The following PAK2 variants were observed in gnomAD, a reference collection of about 807,000 sequenced individuals.
PAK2 encodes the protein serine/threonine-protein kinase PAK 2.
Under a neutral mutation model 65.9 loss-of-function variants are expected in PAK2, and 21 were observed. That is an observed-to-expected ratio of 0.32 (90% CI 0.23 to 0.46). The LOEUF (loss-of-function observed/expected upper bound fraction) is 0.46. Among genes scored for constraint, PAK2 ranks in the 20% least tolerant of loss-of-function variants. PAK2 has a pLI of 1.00. For synonymous variants in PAK2, 204 were observed against 219.7 expected, an observed-to-expected ratio of 0.93 and a Z score of 0.63; for missense variants, 324 against 642.6, an observed-to-expected ratio of 0.50 and a Z score of 5.36.
At chr3:196,769,837 A>G (rs73074623) in intron 1 of PAK2, among the ~76,000 whole-genome samples, 7,138 of 143,682 alleles carry the variant, frequency 0.05, 297 homozygotes, top group African/African-American at 0.098. Context: ...AAGAAAAAGA[A>G]AAAGAAATTC....
chr3:196,812,917 G>A lies in PAK2; in HGVS notation c.935+66G>A, dbSNP rs1715875346. 3 of 717,140 alleles carry A rather than the reference G, an allele frequency of 4.2e-6. No homozygotes were observed. In the South Asian group the frequency reaches 4.9e-5, roughly 12 times the overall value. The allele number at this position is 717,140 out of a possible 1,614,324, so 44.4% of individuals were successfully genotyped here. ...AAATTTTAAGTCTCATGGTTTCGGG[G>A]GTGGGGCTGGCCACTTTGGAATAAA... On this transcript the variant is annotated intron_variant, in intron 10 of 14. Coordinates refer to ENST00000327134, the MANE Select transcript of PAK2 (RefSeq NM_002577.4).
At chr3:196,744,995 A>T (rs1246407275) in intron 1 of PAK2, among the ~76,000 whole-genome samples, 1 of 152,058 alleles carries the variant, frequency 6.6e-6, no homozygotes. Context: ...GAGTTGTAGA[A>T]GCTCTTCACA....
chr3:196,806,503 G>C, intron 5 of PAK2, 76 bp from the exon 6 acceptor site: 1 of 871,312 alleles, frequency 1.1e-6, no homozygotes, highest in Non-Finnish European at 1.9e-6. Context: ...ACTTTTTGAA[G>C]TACGTTCATA....
chr3:196,823,884 A>C (rs1009555303), intron 13 of PAK2, among the ~76,000 whole-genome samples: 10 of 152,132 alleles, frequency 6.6e-5, no homozygotes, highest in African/African-American at 2.4e-4. Context: ...ACACATTACC[A>C]AAAAGGCAGC....
At position 196,782,774 on chromosome 3, in the gene PAK2, T is replaced by C; in HGVS notation, c.128T>C (p.Val43Ala). The C allele has an allele frequency of 1.2e-6, 2 of 1,613,836 alleles. No homozygotes were observed. Among genetic ancestry groups the C allele is most frequent in the Middle Eastern group, 3.3e-4 (2 of 6,060 alleles). Reference protein sequence around the residue: ...ANHSLKPLPSVPEEKKPRHKI... With the variant: ...ANHSLKPLPSAPEEKKPRHKI... ...CACAGTTTGAAACCTTTGCCCTCTG[T>C]TCCAGAAGAGAAAAAGCCCAGGCAT... Residue 43 changes from valine to alanine, a missense_variant, in exon 2 of 15, where the codon GTT becomes GCT. Transcript: ENST00000327134.
chr3:196,812,425 G>C (rs1715859684), intron 9 of PAK2, among the ~76,000 whole-genome samples, 158 bp downstream of exon 9: 1 of 152,170 alleles, frequency 6.6e-6, no homozygotes, highest in Non-Finnish European at 1.5e-5. Flanking sequence ...GTAAGGCGGG[G>C]AAGGACTTAT....
At chr3:196,816,158 G>A (rs1317651648) in intron 11 of PAK2, among the ~76,000 whole-genome samples, 1 of 152,082 alleles carries the variant, frequency 6.6e-6, no homozygotes, top group Non-Finnish European at 1.5e-5. Context: ...AGACTATATT[G>A]TGTTTTCTAT....
At chr3:196,749,775 T>C (rs1713507951) in intron 1 of PAK2, among the ~76,000 whole-genome samples, 2 of 152,188 alleles carry the variant, frequency 1.3e-5, no homozygotes, top group Non-Finnish European at 2.9e-5. Context: ...TGTCATGTTA[T>C]CATTGTTTTG....
intron 2 of PAK2, among the ~76,000 whole-genome samples, chr3:196,796,203 A>G (rs762165100): frequency 1.3e-5 from 2 of 152,138 alleles, no homozygotes; most frequent in Non-Finnish European, 2.9e-5. Context: ...CCCTTGTGGT[A>G]TGCGTTCTTT....
chr3:196,751,887 C>T (rs980243085), intron 1 of PAK2, among the ~76,000 whole-genome samples: 3 of 150,222 alleles, frequency 2.0e-5, no homozygotes, highest in Admixed American at 1.3e-4. Flanking sequence ...GGATTACAGG[C>T]GCATGCCACC....
At position 196,776,253 on chromosome 3, in the gene PAK2, G is replaced by A. The variant is rs186023976; in HGVS notation, c.-21-6373G>A. Among the ~76,000 whole-genome samples the A allele has an allele frequency of 4.6e-5, 7 of 152,260 alleles. No homozygotes were observed. In the East Asian group the frequency reaches 9.6e-4, roughly 21 times the overall value. ...GCTTGCAGTAAAGTGCCAGTTTCAC[G>A]TAATAATATACTTAATGGAACAATA... On this transcript the variant is annotated intron_variant, in intron 1 of 14. Transcript: ENST00000327134.
rs2108748094 is a variant in PAK2, at chr3:196,791,185, C to T, written c.187+8352C>T. Among the ~76,000 whole-genome samples, 1 of 152,256 alleles carries T rather than the reference C, an allele frequency of 6.6e-6. No homozygotes were observed. The highest frequency in any genetic ancestry group is 1.9e-4 in the East Asian group (1 of 5,180). ...AGACATTCTGTTGGTATAGCAATAT[C>T]TTTCCAGCACATTGTTCAATTCCAG... On this transcript the variant is annotated intron_variant, in intron 2 of 14. Transcript: ENST00000327134. This position sits in a 1 kb window ranked among gnomAD's most constrained non-coding sequence, Gnocchi z 4.0.
chr3:196,780,421 A>G (rs976020414), intron 1 of PAK2, among the ~76,000 whole-genome samples: 3 of 152,236 alleles, frequency 2.0e-5, no homozygotes, highest in Non-Finnish European at 4.4e-5. Context: ...TCTTACGTGG[A>G]TGGTGGCAGG....
intron 6 of PAK2, among the ~76,000 whole-genome samples, chr3:196,807,521 C>T (rs1228681787): frequency 6.6e-6 from 1 of 152,126 alleles, no homozygotes; most frequent in Non-Finnish European, 1.5e-5. Context: ...TAGACCTGGT[C>T]ACACTTAAAT....
chr3:196,762,154 A>G (rs7643786), intron 1 of PAK2, among the ~76,000 whole-genome samples: 1 of 105,450 alleles, frequency 9.5e-6, no homozygotes, highest in Non-Finnish European at 2.2e-5. Context: ...CCGGGCAGAG[A>G]CGCTCCTCAC....
At chr3:196,751,694 T>TATATATATATATATATATAA (rs1211217848) in intron 1 of PAK2, among the ~76,000 whole-genome samples, 3 of 45,874 alleles carry the variant, frequency 6.5e-5, no homozygotes, top group African/African-American at 3.5e-4. Flanking sequence ...TATATATATA[T>TATATATATATATATATATAA]AATTCAGGCT....
intron 2 of PAK2, among the ~76,000 whole-genome samples, chr3:196,783,152 G>A (rs1017434874): frequency 1.3e-5 from 2 of 152,084 alleles, no homozygotes; most frequent in Non-Finnish European, 2.9e-5. Context: ...GTGAGATAGG[G>A]CCCACAGTCC....
chr3:196,763,956 G>A (rs549017632), intron 1 of PAK2, among the ~76,000 whole-genome samples: 169 of 132,566 alleles, frequency 1.3e-3, no homozygotes, highest in Non-Finnish European at 2.0e-3. Flanking sequence ...CCACCACCAC[G>A]CCCGGCTATT....
At position 196,791,071 on chromosome 3, in the gene PAK2, C is replaced by T. The variant is rs954683433; in HGVS notation, c.187+8238C>T. Among the ~76,000 whole-genome samples, 1 of 152,144 alleles carries T rather than the reference C, an allele frequency of 6.6e-6. No individual in the cohort carries two copies. Among genetic ancestry groups the T allele is most frequent in the African/African-American group, 2.4e-5 (1 of 41,442 alleles). On this transcript the variant is annotated intron_variant, in intron 2 of 14. Transcript: ENST00000327134. This position sits in a 1 kb window ranked among gnomAD's most constrained non-coding sequence, Gnocchi z 4.0. Reference sequence around the variant, plus strand: ...TTTCTATTCCTATAATTTCTTCTGCCATCCTGACTGAACCCCCACATCTAC... The same window carrying T: ...TTTCTATTCCTATAATTTCTTCTGCTATCCTGACTGAACCCCCACATCTAC...
Sources: gnomAD v4.1 joint callset for allele counts (sites outside exome capture counted in the v4.1 genomes callset) on GRCh38, gnomAD v4.1.1 for gene constraint, Gnocchi (gnomAD v3.1) non-coding constraint, MANE v1.5 for transcripts, NCBI Gene and HGNC (gene_info 2026-07-23, HGNC 2026-07-21) for gene names.